Variants in ATRNL1 observed in about 807,000 individuals in gnomAD.
ATRNL1 encodes the protein attractin like 1.
ATRNL1 carries 95 observed loss-of-function variants against 182.7 expected under a neutral mutation model. That is an observed-to-expected ratio of 0.52 (90% CI 0.44 to 0.62). The LOEUF is 0.62. ATRNL1 is among the 20% of genes least tolerant of loss of function. ATRNL1 has a pLI of 0.00. For synonymous variants in ATRNL1, 576 were observed against 568.3 expected, an observed-to-expected ratio of 1.01 and a Z score of -0.19; for missense variants, 1,471 against 1,679.5, an observed-to-expected ratio of 0.88 and a Z score of 2.17.
chr10:115,202,975 C>T (rs1239460901), intron 8 of ATRNL1, among the ~76,000 whole-genome samples: 3 of 150,966 alleles, frequency 2.0e-5, no homozygotes, highest in African/African-American at 7.3e-5. Flanking sequence ...GTGTATGTGT[C>T]GAGGAATTTA....
At position 115,149,195 on chromosome 10, in the gene ATRNL1, T is replaced by G. The variant is rs894017329; in HGVS notation, c.830-10845T>G. Among the ~76,000 whole-genome samples the G allele has an allele frequency of 2.6e-5, 4 of 152,246 alleles. No homozygotes were observed. The East Asian group carries it at 7.7e-4, about 29-fold the overall frequency. On this transcript the variant is annotated intron_variant, in intron 5 of 28. Coordinates refer to ENST00000355044, the MANE Select transcript of ATRNL1 (RefSeq NM_207303.4). ...AGATGGGGTCTTTTCCTGGCCAGTG[T>G]AGACGCCTGCACACATGGCAACAAA...
intron 28 of ATRNL1, among the ~76,000 whole-genome samples, chr10:115,874,898 G>A (rs930475182): frequency 5.3e-5 from 8 of 152,210 alleles, no homozygotes; most frequent in African/African-American, 1.9e-4. Context: ...GGATTTCTGA[G>A]CAGGGATCCA....
intron 21 of ATRNL1, among the ~76,000 whole-genome samples, chr10:115,461,211 T>G (rs1160543343): frequency 6.6e-6 from 1 of 152,082 alleles, no homozygotes; most frequent in African/African-American, 2.4e-5. Flanking sequence ...TTGGAAATAA[T>G]TTTTATAAAA....
intron 19 of ATRNL1, among the ~76,000 whole-genome samples, chr10:115,370,056 G>C (rs1554947559): frequency 2.0e-5 from 3 of 152,192 alleles, no homozygotes; most frequent in African/African-American, 4.8e-5. Context: ...CCCAAGATCT[G>C]ATGGTTTTAT....
chr10:115,791,012 G>A (rs1440575875), intron 27 of ATRNL1, among the ~76,000 whole-genome samples: 4 of 152,168 alleles, frequency 2.6e-5, no homozygotes, highest in Admixed American at 2.6e-4. Context: ...ATCCATCAGT[G>A]GTAATTAGAA....
At chr10:115,237,988 T>G (rs1750151023) in intron 9 of ATRNL1, among the ~76,000 whole-genome samples, 1 of 152,208 alleles carries the variant, frequency 6.6e-6, no homozygotes, top group African/African-American at 2.4e-5. Flanking sequence ...ATTTGTCCAA[T>G]AGACAGTCCT....
intron 27 of ATRNL1, among the ~76,000 whole-genome samples, chr10:115,764,815 A>G (rs1196123125): frequency 3.3e-5 from 5 of 152,162 alleles, no homozygotes; most frequent in African/African-American, 9.6e-5. Context: ...CTGGATTACA[A>G]GTGCCTGCCA....
At chr10:115,810,914 AT>A (rs1172076528) in intron 27 of ATRNL1, among the ~76,000 whole-genome samples, 2 of 151,794 alleles carry the variant, frequency 1.3e-5, no homozygotes, top group Non-Finnish European at 2.9e-5. Flanking sequence ...GATTTATCAT[AT>A]TTATTGATAT....
chr10:115,721,341 A>C (rs868958146), intron 26 of ATRNL1, among the ~76,000 whole-genome samples: 4 of 152,332 alleles, frequency 2.6e-5, no homozygotes, highest in South Asian at 2.1e-4. Flanking sequence ...TACTTTCTAC[A>C]TACATTGACA....
At chr10:115,201,781 G>A (rs1204690782) in intron 8 of ATRNL1, among the ~76,000 whole-genome samples, 1 of 152,126 alleles carries the variant, frequency 6.6e-6, no homozygotes, top group African/African-American at 2.4e-5. Context: ...GTCATTGGTA[G>A]CTTGATGGGG....
intron 13 of ATRNL1, among the ~76,000 whole-genome samples, chr10:115,274,031 G>C (rs1177074566): frequency 6.6e-6 from 1 of 152,170 alleles, no homozygotes; most frequent in Non-Finnish European, 1.5e-5. Flanking sequence ...CAGACTAAGA[G>C]CTGTTTCTGC....
chr10:115,752,567 G>T (rs778719451), intron 27 of ATRNL1, among the ~76,000 whole-genome samples: 3 of 151,996 alleles, frequency 2.0e-5, no homozygotes, highest in African/African-American at 4.8e-5. Flanking sequence ...TGTTGACCAT[G>T]GCAAGAGCAT....
intron 9 of ATRNL1, among the ~76,000 whole-genome samples, chr10:115,231,234 A>G (rs1229151335): frequency 6.6e-6 from 1 of 152,140 alleles, no homozygotes; most frequent in Non-Finnish European, 1.5e-5. Flanking sequence ...CTGGGAGAAT[A>G]TGGTATTCTA....
intron 8 of ATRNL1, among the ~76,000 whole-genome samples, chr10:115,210,961 A>G (rs1377502422): frequency 1.3e-5 from 2 of 150,984 alleles, no homozygotes; most frequent in Non-Finnish European, 2.9e-5. Context: ...ATTTTTTTCC[A>G]TCATCATATA....
intron 25 of ATRNL1, among the ~76,000 whole-genome samples, chr10:115,545,229 C>T (rs181599057): frequency 0.014 from 1,456 of 103,932 alleles, 30 homozygotes; most frequent in African/African-American, 0.051. Context: ...AGCGAGACTC[C>T]GTATCAAAAA....
chr10:115,446,373 T>C (rs2134465153), intron 21 of ATRNL1, among the ~76,000 whole-genome samples: 1 of 152,180 alleles, frequency 6.6e-6, no homozygotes, highest in South Asian at 2.1e-4. Context: ...TACTTTTTTG[T>C]TCTTCCTTTT....
At chr10:115,098,486 G>A (rs1408000973) in intron 1 of ATRNL1, among the ~76,000 whole-genome samples, 1 of 113,676 alleles carries the variant, frequency 8.8e-6, no homozygotes, top group African/African-American at 3.7e-5. Context: ...TTTTGAGACC[G>A]AGTCTGGCTC....
chr10:115,697,882 T>C (rs1399075359), intron 26 of ATRNL1, among the ~76,000 whole-genome samples: 1 of 152,132 alleles, frequency 6.6e-6, no homozygotes, highest in African/African-American at 2.4e-5. Context: ...TAAATTAAAA[T>C]AGATGAAGGC....
intron 24 of ATRNL1, among the ~76,000 whole-genome samples, chr10:115,486,819 A>G (rs868925514): frequency 2.4e-4 from 36 of 152,260 alleles, no homozygotes; most frequent in Middle Eastern, 3.4e-3. Flanking sequence ...GCCCATGCCT[A>G]TGTCCTGAAT....
Sources: gnomAD v4.1 joint callset for allele counts (sites outside exome capture counted in the v4.1 genomes callset) on GRCh38, gnomAD v4.1.1 for gene constraint, MANE v1.5 for transcripts, NCBI Gene and HGNC (gene_info 2026-07-23, HGNC 2026-07-21) for gene names.